Variants in YTHDF2 observed in about 807,000 individuals in gnomAD.
YTHDF2 encodes the protein YTH domain-containing family protein 2.
Under a neutral mutation model 50.4 loss-of-function variants are expected in YTHDF2, and 2 were observed. That is an observed-to-expected ratio of 0.04 (90% CI 0.02 to 0.12). YTHDF2 has a LOEUF of 0.12. Ranked by LOEUF, YTHDF2 falls within the 10% of genes least tolerant of loss-of-function variation. The pLI is 1.00. For synonymous variants in YTHDF2, 217 were observed against 255.6 expected (o/e 0.85, Z 1.44); for missense variants, 483 against 722.6 (o/e 0.67, Z 3.80).
intron 4 of YTHDF2, among the ~76,000 whole-genome samples, chr1:28,751,737 T>C (rs956553059): frequency 2.0e-5 from 3 of 152,200 alleles, no homozygotes; most frequent in Admixed American, 2.0e-4. Flanking sequence ...GCACCATCTT[T>C]GCCTTAGAAG....
intron 4 of YTHDF2, among the ~76,000 whole-genome samples, chr1:28,763,972 G>T (rs1320416818): frequency 1.4e-5 from 2 of 138,032 alleles, no homozygotes; most frequent in African/African-American, 5.5e-5. Flanking sequence ...TTTTTGAGAC[G>T]GGGTTTCTCT....
upstream of YTHDF2, chr1:28,736,707 G>A (rs1037727761): frequency 8.8e-6 from 2 of 226,562 alleles, no homozygotes; most frequent in East Asian, 1.5e-4. Context: ...CGGTGGGGGC[G>A]GGGAGGCCGT....
chr1:28,760,168 C>G (rs2088097545), intron 4 of YTHDF2, among the ~76,000 whole-genome samples: 1 of 152,122 alleles, frequency 6.6e-6, no homozygotes, highest in Admixed American at 6.6e-5. Flanking sequence ...AAGGACCTAT[C>G]AGAGGCAGTT....
In YTHDF2 at chr1:28,742,726, T is replaced by G. The variant is rs1446493309; in HGVS notation, c.456T>G (p.Asn152Lys). The G allele has an allele frequency of 1.2e-6, 2 of 1,614,182 alleles. No individual in the cohort carries two copies. The highest frequency in any genetic ancestry group is 1.1e-5 in the South Asian group (1 of 91,078). ...QSTQSSGYSS[N>K]YAYAPSSLGG... ...CTCAGAGCTCTGGATATAGTAGCAA[T>G]TATGCTTATGCACCTAGCTCCTTAG... Residue 152 changes from asparagine to lysine, a missense_variant, in exon 4 of 5, where the codon AAT becomes AAG. Asn to Lys is a moderately conservative substitution (Grantham distance 94). Coordinates refer to ENST00000373812, the MANE Select transcript of YTHDF2 (RefSeq NM_016258.3).
Position 28,743,299 on chromosome 1 carries a change from A to G in YTHDF2, c.1029A>G (p.Gln343=). 6.2e-7 allele frequency: 1 copy of G among 1,614,164 alleles called. No homozygotes were observed. The highest frequency in any genetic ancestry group is 1.1e-5 in the South Asian group (1 of 91,088). The change falls in exon 4 of 5, where the codon CAA becomes CAG. Residue 343 remains glutamine (Q), a synonymous_variant. Coordinates refer to ENST00000373812, the MANE Select transcript of YTHDF2 (RefSeq NM_016258.3). This position sits in a 1 kb window ranked among gnomAD's most constrained non-coding sequence, Gnocchi z 6.9. ...PPQPAQLSVQ[Q]QAAQPTRWVA... ...AGCCTGCCCAGCTTTCAGTCCAGCA[A>G]CAGGCAGCTCAGCCAACCCGCTGGG...
At chr1:28,747,803 G>A (rs963629245) in intron 4 of YTHDF2, among the ~76,000 whole-genome samples, 2 of 151,264 alleles carry the variant, frequency 1.3e-5, no homozygotes, top group Admixed American at 6.6e-5. Flanking sequence ...CTTCTGTCAG[G>A]TTACTTTTTA....
chr1:28,749,762 AAG>A (rs201827633), intron 4 of YTHDF2, among the ~76,000 whole-genome samples: 1 of 115,974 alleles, frequency 8.6e-6, no homozygotes. Flanking sequence ...ATAGAAAAAA[AAG>A]GTAGACTTAA....
intron 3 of YTHDF2, among the ~76,000 whole-genome samples, chr1:28,741,657 A>G (rs1156767300): frequency 1.3e-5 from 2 of 152,228 alleles, no homozygotes; most frequent in Non-Finnish European, 2.9e-5. Flanking sequence ...ATAACTGAGT[A>G]GTGGGATCTA....
chr1:28,750,898 T>C (rs540737963), intron 4 of YTHDF2, among the ~76,000 whole-genome samples: 139 of 151,598 alleles, frequency 9.2e-4, no homozygotes, highest in African/African-American at 3.2e-3. Flanking sequence ...TTCAAGACCA[T>C]CCTGGGCAAC....
chr1:28,751,854 G>A lies in YTHDF2; in HGVS notation c.1716+7868G>A, dbSNP rs113998648. ...CTGGAGAAGTGATTAATTACTTGGG[G>A]GAAATTAAGAATTCATGGAGGCAAT... On this transcript the variant is annotated intron_variant, in intron 4 of 4. Coordinates refer to ENST00000373812, the MANE Select transcript of YTHDF2 (RefSeq NM_016258.3). 5.9e-3 allele frequency among the ~76,000 whole-genome samples: 902 copies of A among 152,188 alleles called. 3 individuals are homozygous for A. The highest frequency in any genetic ancestry group is 0.02 in the African/African-American group (843 of 41,514).
At chr1:28,750,175 G>A (rs1413216444) in intron 4 of YTHDF2, among the ~76,000 whole-genome samples, 3 of 151,662 alleles carry the variant, frequency 2.0e-5, no homozygotes, top group Admixed American at 6.6e-5. Flanking sequence ...ATTTTTAGTA[G>A]AGACAGGGTT....
At chr1:28,759,659 T>C (rs2088085899) in intron 4 of YTHDF2, among the ~76,000 whole-genome samples, 2 of 152,108 alleles carry the variant, frequency 1.3e-5, no homozygotes, top group African/African-American at 2.4e-5. Flanking sequence ...TAAAACACAG[T>C]ATAAAAGATA....
intron 4 of YTHDF2, among the ~76,000 whole-genome samples, chr1:28,744,474 C>T (rs547808551): frequency 1.1e-4 from 16 of 152,194 alleles, no homozygotes; most frequent in South Asian, 8.3e-4. Context: ...TGACAATTGG[C>T]GGTGTAAAAG....
intron 3 of YTHDF2, among the ~76,000 whole-genome samples, chr1:28,741,178 A>G (rs1025458530): frequency 1.0e-4 from 15 of 149,952 alleles, no homozygotes; most frequent in African/African-American, 3.7e-4. Context: ...TTGTATTTTT[A>G]GTAGAGACGG....
chr1:28,762,915 C>T (rs896979049), intron 4 of YTHDF2, among the ~76,000 whole-genome samples: 4 of 151,570 alleles, frequency 2.6e-5, no homozygotes, highest in South Asian at 4.2e-4. Context: ...TTGGCTCACC[C>T]GGGTTCAAGT....
intron 4 of YTHDF2, among the ~76,000 whole-genome samples, chr1:28,745,736 CAA>C (rs1351367835): frequency 9.2e-6 from 1 of 108,340 alleles, no homozygotes. Context: ...CCCCCCCCCC[CAA>C]AAAAAAACTA....
intron 4 of YTHDF2, 72 bp downstream of exon 4, chr1:28,744,058 T>G: frequency 1.4e-6 from 2 of 1,421,176 alleles, no homozygotes; most frequent in East Asian, 4.9e-5. Context: ...TATTATATAG[T>G]GAACCGTTAA....
chr1:28,743,099 A>G lies in YTHDF2; in HGVS notation c.829A>G (p.Thr277Ala), dbSNP rs2087804878. 2 of 1,614,064 alleles carry G rather than the reference A, an allele frequency of 1.2e-6. No individual in the cohort carries two copies. The highest frequency in any genetic ancestry group is 1.7e-5 in the Admixed American group (1 of 59,994). Residue 277 changes from threonine (T) to alanine (A), a missense_variant, in exon 4 of 5, where the codon ACT becomes GCT. Transcript: ENST00000373812. This position sits in a 1 kb window ranked among gnomAD's most constrained non-coding sequence, Gnocchi z 6.9. Reference sequence around the variant, plus strand: ...GATAAAGCATAACATGGATATTGGAACTTGGGATAACAAGGGTCCCGTTGC... The same window carrying G: ...GATAAAGCATAACATGGATATTGGAGCTTGGGATAACAAGGGTCCCGTTGC... ...PPIKHNMDIG[T>A]WDNKGPVAKA...
chr1:28,740,906 G>C (rs561494787), intron 3 of YTHDF2, among the ~76,000 whole-genome samples: 14 of 151,984 alleles, frequency 9.2e-5, no homozygotes, highest in African/African-American at 3.4e-4. Context: ...GGTTTTAACT[G>C]TGTTAGCCAG....
Sources: allele counts gnomAD v4.1 joint callset (sites outside exome capture counted in the v4.1 genomes callset), GRCh38; gene constraint gnomAD v4.1.1; non-coding constraint Gnocchi (gnomAD v3.1); transcripts MANE v1.5; gene names NCBI Gene and HGNC (gene_info 2026-07-23, HGNC 2026-07-21).